Variants in CFAP54 observed in about 807,000 individuals in gnomAD.
CFAP54 encodes cilia- and flagella-associated protein 54.
CFAP54 carries 290 observed loss-of-function variants against 370.4 expected under a neutral mutation model. The ratio of observed to expected loss-of-function variants is 0.78; its 90% CI spans 0.71 to 0.86. The LOEUF (loss-of-function observed/expected upper bound fraction) is 0.86, where lower values mean the gene tolerates loss of function less well. CFAP54 is among the 40% of genes least tolerant of loss of function. The pLI, the probability that CFAP54 is intolerant of heterozygous loss-of-function variation, is 0.00. For missense variants in CFAP54, 3,399 were observed against 3,528.7 expected (o/e 0.96, Z 0.93); for synonymous variants, 1,206 against 1,236.5 (o/e 0.98, Z 0.52).
chr12:96,864,261 G>C (rs1027731189), intron 67 of CFAP54, among the ~76,000 whole-genome samples: 1 of 152,144 alleles, frequency 6.6e-6, no homozygotes, highest in Non-Finnish European at 1.5e-5. Flanking sequence ...GGGAGAAGAA[G>C]GGGAACAGAC....
At chr12:96,778,163 G>A (rs895158424) in intron 60 of CFAP54, among the ~76,000 whole-genome samples, 7 of 152,114 alleles carry the variant, frequency 4.6e-5, no homozygotes, top group Non-Finnish European at 1.0e-4. Context: ...TTTATTATTG[G>A]AAAGTGCCAT....
At chr12:96,757,660 T>C in intron 58 of CFAP54, 72 bp downstream of exon 58, 2 of 788,148 alleles carry the variant, frequency 2.5e-6, no homozygotes. Context: ...CACTGTGCTA[T>C]TGAAATAATG....
At chr12:96,647,811 A>G in intron 33 of CFAP54, 64 bp from the exon 34 acceptor site, 2 of 1,349,864 alleles carry the variant, frequency 1.5e-6, no homozygotes, top group African/African-American at 3.0e-5. Context: ...AATAGATTGC[A>G]TTTGACAGAT....
At chr12:96,761,968 T>A (rs532492912) in intron 58 of CFAP54, among the ~76,000 whole-genome samples, 2 of 152,300 alleles carry the variant, frequency 1.3e-5, no homozygotes, top group African/African-American at 4.8e-5. Flanking sequence ...CTACTTTGAC[T>A]CCTTTGCATT....
Position 96,581,064 on chromosome 12 carries a change from C to A in CFAP54, c.3034C>A (p.Pro1012Thr). ...GACAACTAAACCAATTCTGGTTTAT[C>A]CCCCTCTTTCTACTATTACTGCTCG... ...GETTKPILVY[P>T]PLSTITARMF... The change falls in exon 22 of 68, where the codon CCC (proline) becomes ACC (threonine). Residue 1012 changes from proline to threonine, a missense_variant. Physicochemically the swap from Pro to Thr is conservative, Grantham distance 38. Around this residue, in one of 3 missense-constraint regions of CFAP54, gnomAD observed 2,796 missense variants for 2,869.7 expected, o/e 0.97. Transcript: ENST00000524981. 2 of 1,524,330 alleles carry A rather than the reference C, an allele frequency of 1.3e-6. No individual in the cohort carries two copies. The highest frequency in any genetic ancestry group is 1.8e-6 in the Non-Finnish European group (2 of 1,141,292). The allele number at this position is 1,524,330 out of a possible 1,614,324, so 94.4% of individuals were successfully genotyped here. A position where few individuals can be genotyped will look rare whatever the true frequency, so the allele number is the denominator to read the frequency against.
rs373634862 is a variant in CFAP54, at chr12:96,753,906, G to T, written c.7840+8G>T. ...AAATCCTTTTTCAGAAAGGTAAAAT[G>T]CATCTGGGGTCAGAACTATGATAAA... On this transcript the variant is annotated splice_region_variant and intron_variant, in intron 56 of 67. Transcript: ENST00000524981. The T allele has an allele frequency of 1.2e-6, 2 of 1,612,104 alleles. No homozygotes were observed. Among genetic ancestry groups the T allele is most frequent in the Non-Finnish European group, 1.7e-6 (2 of 1,178,878 alleles).
intron 60 of CFAP54, among the ~76,000 whole-genome samples, chr12:96,780,893 A>C (rs891782871): frequency 2.6e-5 from 4 of 152,194 alleles, no homozygotes; most frequent in Non-Finnish European, 5.9e-5. Context: ...AGTGTCCACT[A>C]AAATTATGTA....
At chr12:96,685,385 CT>C in intron 42 of CFAP54, 147 bp downstream of exon 42, 1 of 653,378 alleles carries the variant, frequency 1.5e-6, no homozygotes, top group South Asian at 2.0e-5. Flanking sequence ...AGTTTATTTA[CT>C]TATTTGTGAT....
intron 66 of CFAP54, among the ~76,000 whole-genome samples, chr12:96,844,796 C>A (rs937055653): frequency 6.6e-6 from 1 of 152,188 alleles, no homozygotes; most frequent in Non-Finnish European, 1.5e-5. Context: ...CTCCTTCTCA[C>A]CGTGTCTGTC....
chr12:96,580,795 C>A, intron 21 of CFAP54, 106 bp downstream of exon 21: 1 of 1,104,358 alleles, frequency 9.1e-7, no homozygotes, highest in Non-Finnish European at 1.2e-6. Context: ...CCACCTGAAT[C>A]ATAACTAAAA....
At chr12:96,606,354 A>T (rs1053571689) in intron 26 of CFAP54, among the ~76,000 whole-genome samples, 5 of 152,222 alleles carry the variant, frequency 3.3e-5, no homozygotes, top group Non-Finnish European at 7.3e-5. Context: ...TGGATTCCCA[A>T]CCTGTTGACT....
intron 22 of CFAP54, 97 bp downstream of exon 22, chr12:96,581,202 T>G: frequency 1.2e-6 from 1 of 847,386 alleles, no homozygotes; most frequent in Non-Finnish European, 1.6e-6. Context: ...ACAGCAGATA[T>G]TCTAAAGCTC....
chr12:96,645,232 T>A, intron 33 of CFAP54: 1 of 453,758 alleles, frequency 2.2e-6, no homozygotes, highest in Non-Finnish European at 4.4e-6. Flanking sequence ...ATACATAATA[T>A]GGAATACTGT....
chr12:96,513,415 A>G (rs888066939), intron 5 of CFAP54, among the ~76,000 whole-genome samples: 2 of 152,054 alleles, frequency 1.3e-5, no homozygotes. Flanking sequence ...TTGTCCTGTT[A>G]GTAATTATCA....
intron 42 of CFAP54, among the ~76,000 whole-genome samples, chr12:96,685,650 C>G (rs1248960727): frequency 6.6e-6 from 1 of 151,882 alleles, no homozygotes; most frequent in Non-Finnish European, 1.5e-5. Context: ...CTCCTGGGTT[C>G]GAGATTCTCC....
chr12:96,531,967 CT>C (rs1955444487), intron 9 of CFAP54, among the ~76,000 whole-genome samples: 1 of 152,226 alleles, frequency 6.6e-6, no homozygotes, highest in African/African-American at 2.4e-5. Context: ...CCCAGGTGAT[CT>C]GCCTGCCTTG....
rs542381118 is a variant in CFAP54, at chr12:96,625,769, T to C, written c.3938T>C (p.Val1313Ala). ...GGEDPIFLYP[V>A]VLNWSVKGAV... ...GAGGACCCTATATTTCTTTATCCTG[T>C]AGTTTTGAATTGGTCGGTCAAAGGT... Residue 1313 changes from valine to alanine, a missense_variant, in exon 29 of 68, where the codon GTA (valine) becomes GCA (alanine). Val to Ala is a moderately conservative substitution (Grantham distance 64). This residue lies in a region of CFAP54 where 2,796 missense variants were observed against 2,869.7 expected (regional missense o/e 0.97). Transcript: ENST00000524981. The C allele has an allele frequency of 1.3e-6, 2 of 1,535,870 alleles. No individual in the cohort carries two copies. Among genetic ancestry groups the C allele is most frequent in the Non-Finnish European group, 1.7e-6 (2 of 1,146,728 alleles).
chr12:96,788,258 T>G (rs1191975870), intron 62 of CFAP54, among the ~76,000 whole-genome samples: 1 of 152,318 alleles, frequency 6.6e-6, no homozygotes, highest in East Asian at 1.9e-4. Context: ...CATTAGTGCA[T>G]GGTGACATCA....
At chr12:96,612,307 A>G (rs1362985036) in intron 26 of CFAP54, among the ~76,000 whole-genome samples, 2 of 152,138 alleles carry the variant, frequency 1.3e-5, no homozygotes, top group African/African-American at 2.4e-5. Flanking sequence ...AAGTGAAGGA[A>G]AAATAAAATC....
Sources: gnomAD v4.1 joint callset for allele counts (sites outside exome capture counted in the v4.1 genomes callset) on GRCh38, gnomAD v4.1.1 for gene constraint, gnomAD v4.1.1 regional missense constraint, MANE v1.5 for transcripts, NCBI Gene and HGNC (gene_info 2026-07-23, HGNC 2026-07-21) for gene names.